The following CCDC15 variants were observed in gnomAD, a reference collection of about 807,000 sequenced individuals.
CCDC15 encodes the protein coiled-coil domain-containing protein 15.
A neutral mutation model predicts 114.5 loss-of-function variants in CCDC15; 105 were observed. That is an observed-to-expected ratio of 0.92 (90% CI 0.78 to 1.08). CCDC15 has a LOEUF of 1.08. CCDC15 is among the 50% of genes least tolerant of loss of function. The pLI, the probability that CCDC15 is intolerant of heterozygous loss-of-function variation, is 0.00. For missense variants in CCDC15, 1,105 were observed against 1,093.6 expected (o/e 1.01, Z -0.15); for synonymous variants, 334 against 377.8 (o/e 0.88, Z 1.34).
At chr11:125,005,362 C>T (rs1339537689) in intron 13 of CCDC15, 150 bp downstream of exon 13, 6 of 471,692 alleles carry the variant, frequency 1.3e-5, no homozygotes, top group Non-Finnish European at 2.3e-5. Flanking sequence ...AGATGGTGAA[C>T]AGCTATGGTT....
chr11:124,958,006 A>G (rs751110778), intron 2 of CCDC15, among the ~76,000 whole-genome samples: 1 of 152,222 alleles, frequency 6.6e-6, no homozygotes, highest in Non-Finnish European at 1.5e-5. Context: ...CTAGTTAGCT[A>G]TATTAAAATT....
chr11:124,979,706 CT>C (rs968906670), intron 6 of CCDC15, among the ~76,000 whole-genome samples: 6 of 152,162 alleles, frequency 3.9e-5, no homozygotes, highest in Admixed American at 3.9e-4. Context: ...ATCATATCTT[CT>C]GCAAATAGGG....
chr11:125,027,626 G>C (rs1490422471), intron 13 of CCDC15, among the ~76,000 whole-genome samples: 1 of 151,592 alleles, frequency 6.6e-6, no homozygotes, highest in Non-Finnish European at 1.5e-5. Context: ...GTAGATTCTG[G>C]ATATTAGTCC....
At chr11:124,984,928 T>G (rs1411789533) in intron 6 of CCDC15, among the ~76,000 whole-genome samples, 1 of 152,210 alleles carries the variant, frequency 6.6e-6, no homozygotes, top group Non-Finnish European at 1.5e-5. Context: ...CCTGGCTGCT[T>G]CTAGCCAGCT....
intron 3 of CCDC15, 100 bp from the exon 4 acceptor site, chr11:124,959,715 C>A: frequency 1.7e-6 from 1 of 600,894 alleles, no homozygotes; most frequent in East Asian, 4.4e-5. Flanking sequence ...TCCCCTGCCC[C>A]CCACCCCAAT....
chr11:125,016,968 G>A (rs1383138885), intron 13 of CCDC15, among the ~76,000 whole-genome samples: 1 of 152,144 alleles, frequency 6.6e-6, no homozygotes, highest in Non-Finnish European at 1.5e-5. Context: ...GGTATCAGAA[G>A]ACTTAATCTT....
chr11:124,984,991 C>T (rs1002254528), intron 6 of CCDC15, among the ~76,000 whole-genome samples: 1 of 152,150 alleles, frequency 6.6e-6, no homozygotes, highest in African/African-American at 2.4e-5. Flanking sequence ...TAAGAGAAAC[C>T]CTCTATCTCA....
Position 124,986,832 on chromosome 11 carries a change from C to A in CCDC15, c.844C>A (p.Gln282Lys). 1 of 1,559,540 alleles carries A rather than the reference C, an allele frequency of 6.4e-7. No homozygotes were observed. Among genetic ancestry groups the A allele is most frequent in the East Asian group, 2.4e-5 (1 of 41,888 alleles). The change falls in exon 7 of 16, where the codon CAG becomes AAG. Residue 282 changes from glutamine (Q) to lysine (K), a missense_variant. Transcript: ENST00000344762. ...AGAAGATTTGTTTGGGAGAGGCCAG[C>A]AGGACCAGCAGGCTATCCATTCTGA... ...GKEDLFGRGQ[Q>K]DQQAIHSEDK...
intron 13 of CCDC15, among the ~76,000 whole-genome samples, chr11:125,032,609 A>G (rs1452576853): frequency 5.3e-5 from 8 of 152,130 alleles, no homozygotes; most frequent in Non-Finnish European, 2.9e-5. Flanking sequence ...GGGATGCAAT[A>G]TTGTTTTTGA....
At chr11:125,013,678 G>A (rs1430317240) in intron 13 of CCDC15, among the ~76,000 whole-genome samples, 6 of 152,028 alleles carry the variant, frequency 3.9e-5, no homozygotes, top group African/African-American at 1.2e-4. Context: ...ACGTATATAG[G>A]GAATGTTCAA....
Position 125,041,209 on chromosome 11 carries a change from C to G in CCDC15, c.*498C>G, listed in dbSNP as rs1054736921. 5 of 152,072 alleles carry G rather than the reference C, an allele frequency of 3.3e-5. No homozygotes were observed. The highest frequency in any genetic ancestry group is 6.6e-5 in the Admixed American group (1 of 15,262). 9.4% of individuals were successfully genotyped at this position (152,072 alleles called of 1,614,324 possible). ...TTTAGATTTGTTGCACATTTTTTTC[C>G]TCAGCATTTTTTCCTCTTGTTTTTT... On this transcript the variant is annotated 3_prime_UTR_variant, in exon 16 of 16. Transcript: ENST00000344762.
Position 124,977,572 on chromosome 11 carries a change from T to C in CCDC15, c.725T>C (p.Val242Ala). The change falls in exon 6 of 16, where the codon GTA becomes GCA. Residue 242 changes from valine (V) to alanine (A), a missense_variant. Coordinates refer to ENST00000344762, the MANE Select transcript of CCDC15 (RefSeq NM_025004.3). ...GTCCATCAAGGTCTTTTAGCTGCTG[T>C]ACCTTACCAGAATTATATGGAAAAT... The part of the protein sequence containing the change: ...IKVHQGLLAA[V>A]PYQNYMENQE... 4 of 1,608,434 alleles carry C rather than the reference T, an allele frequency of 2.5e-6. No homozygotes were observed.
At chr11:125,008,660 T>G (rs771882903) in intron 13 of CCDC15, among the ~76,000 whole-genome samples, 4 of 152,160 alleles carry the variant, frequency 2.6e-5, no homozygotes, top group Non-Finnish European at 5.9e-5. Flanking sequence ...ATGCGCTTTT[T>G]CAGGTTGAAG....
intron 4 of CCDC15, among the ~76,000 whole-genome samples, chr11:124,971,760 TC>T (rs999020689): frequency 2.0e-5 from 3 of 152,194 alleles, no homozygotes; most frequent in African/African-American, 7.2e-5. Flanking sequence ...TTCCTCATCT[TC>T]CTCAGAAGCA....
At chr11:124,959,735 T>TA in intron 3 of CCDC15, 80 bp from the exon 4 acceptor site, 2 of 905,800 alleles carry the variant, frequency 2.2e-6, no homozygotes, top group Non-Finnish European at 3.0e-6. Context: ...TTTAAAATCT[T>TA]CTGAACTGCT....
Position 125,039,283 on chromosome 11 carries a change from G to A in CCDC15, c.2734+214G>A, listed in dbSNP as rs150541640. On this transcript the variant is annotated intron_variant, in intron 15 of 15. Coordinates refer to ENST00000344762, the MANE Select transcript of CCDC15 (RefSeq NM_025004.3). ...ATCTTCTTGTCTCCATTTATGCTGG[G>A]GAAATATTTTCAGCTCATTCTACTG... 2,500 of 426,416 alleles carry A rather than the reference G, an allele frequency of 5.9e-3. 17 individuals are homozygous for A. Among genetic ancestry groups the A allele is most frequent in the Non-Finnish European group, 7.2e-3 (1,773 of 247,472 alleles). 26.4% of individuals were successfully genotyped at this position (426,416 alleles called of 1,614,324 possible).
intron 4 of CCDC15, among the ~76,000 whole-genome samples, chr11:124,962,603 A>G (rs1485088155): frequency 6.6e-6 from 1 of 152,092 alleles, no homozygotes; most frequent in East Asian, 1.9e-4. Context: ...ATGTTAAAAA[A>G]GAATATTATC....
chr11:124,966,773 C>T (rs1947791478), intron 4 of CCDC15, among the ~76,000 whole-genome samples: 1 of 152,120 alleles, frequency 6.6e-6, no homozygotes, highest in Non-Finnish European at 1.5e-5. Flanking sequence ...TTTGCAGTGG[C>T]TGGTACTGGT....
At chr11:125,016,394 T>C (rs1278759930) in intron 13 of CCDC15, among the ~76,000 whole-genome samples, 1 of 152,034 alleles carries the variant, frequency 6.6e-6, no homozygotes, top group Non-Finnish European at 1.5e-5. Context: ...GGGGTTGGGA[T>C]GCTTGGAAAA....
Sources: gnomAD v4.1 joint callset for allele counts (sites outside exome capture counted in the v4.1 genomes callset) on GRCh38, gnomAD v4.1.1 for gene constraint, MANE v1.5 for transcripts, NCBI Gene and HGNC (gene_info 2026-07-23, HGNC 2026-07-21) for gene names.